OSBPL9: variants seen among roughly 807,000 people sequenced by gnomAD.
The protein encoded by OSBPL9 is oxysterol-binding protein-related protein 9.
OSBPL9 carries 40 observed loss-of-function variants against 106.6 expected under a neutral mutation model. That is an observed-to-expected ratio of 0.38 (90% confidence interval 0.29 to 0.49). The LOEUF (loss-of-function observed/expected upper bound fraction) is 0.49. Among genes scored for constraint, OSBPL9 ranks in the 20% least tolerant of loss-of-function variants. The pLI is 0.97. For synonymous variants in OSBPL9, 269 were observed against 295.4 expected, an observed-to-expected ratio of 0.91 and a Z score of 0.92; for missense variants, 609 against 887.2, an observed-to-expected ratio of 0.69 and a Z score of 3.98.
At chr1:51,708,077 TA>T (rs1475301444) in intron 3 of OSBPL9, 1 of 222,472 alleles carries the variant, frequency 4.5e-6, no homozygotes, top group Non-Finnish European at 9.4e-6. Flanking sequence ...TTGCCAGAGT[TA>T]AAAGAAGCCC....
Position 51,784,017 on chromosome 1 carries a change from T to C in OSBPL9, c.1616T>C (p.Ile539Thr). 1 of 1,607,952 alleles carries C rather than the reference T, an allele frequency of 6.2e-7. No individual in the cohort carries two copies. The highest frequency in any genetic ancestry group is 8.5e-7 in the Non-Finnish European group (1 of 1,174,650). Residue 539 changes from isoleucine to threonine, a missense_variant, in exon 18 of 24, where the codon ATA (isoleucine) becomes ACA (threonine). This residue lies in a region of OSBPL9 where 356 missense variants were observed against 505.8 expected (regional missense o/e 0.70). Coordinates refer to ENST00000428468, the MANE Select transcript of OSBPL9 (RefSeq NM_024586.6). ...GGGATGTCAATTGGGGTGCACAACA[T>C]AGGGCAGGGTAAGTGTGTTGGCATT... ...FLGMSIGVHN[I>T]GQGCVSCLDY...
upstream of OSBPL9, among the ~76,000 whole-genome samples, chr1:51,613,788 C>T (rs1644005821): frequency 6.6e-6 from 1 of 150,832 alleles, no homozygotes; most frequent in South Asian, 2.1e-4. Context: ...CTTGCCTAGG[C>T]TGGAGTGCAG....
chr1:51,678,609 C>T (rs1468561507), intron 3 of OSBPL9, among the ~76,000 whole-genome samples: 2 of 151,596 alleles, frequency 1.3e-5, no homozygotes, highest in East Asian at 1.9e-4. Context: ...TGCAGTGAGC[C>T]GAGATCATGC....
intron 3 of OSBPL9, among the ~76,000 whole-genome samples, chr1:51,693,520 C>T (rs1217017532): frequency 6.6e-6 from 1 of 152,102 alleles, no homozygotes; most frequent in Non-Finnish European, 1.5e-5. Flanking sequence ...GATGCTTTGA[C>T]AGAAGCATAT....
In OSBPL9 at chr1:51,778,344, A is replaced by G. The variant is rs191731953; in HGVS notation, c.1256+1426A>G. Among the ~76,000 whole-genome samples the G allele has an allele frequency of 3.9e-3, 588 of 152,330 alleles. 3 individuals are homozygous for G. Among genetic ancestry groups the G allele is most frequent in the Non-Finnish European group, 5.0e-3 (337 of 68,030 alleles). On this transcript the variant is annotated intron_variant, in intron 15 of 23. Transcript: ENST00000428468. Reference sequence around the variant, plus strand: ...TATATCAACAGTTACCACTCCATTTAATGTCAGACTGGATTAAAAAAGCAG... The same window carrying G: ...TATATCAACAGTTACCACTCCATTTGATGTCAGACTGGATTAAAAAAGCAG...
At chr1:51,630,564 G>A (rs571489631) in intron 1 of OSBPL9, among the ~76,000 whole-genome samples, 1 of 152,332 alleles carries the variant, frequency 6.6e-6, no homozygotes, top group Admixed American at 6.5e-5. Flanking sequence ...CATGAATGAA[G>A]CTTGCAGGAC....
chr1:51,764,115 C>T (rs1672082321), intron 11 of OSBPL9, among the ~76,000 whole-genome samples: 2 of 152,112 alleles, frequency 1.3e-5, no homozygotes, highest in Non-Finnish European at 2.9e-5. Flanking sequence ...ATTTTCTCCA[C>T]TTTTCTTTCC....
At chr1:51,545,410 A>T in the OSBPL9 span, among the ~76,000 whole-genome samples, 2 of 152,170 alleles carry the variant, frequency 1.3e-5, no homozygotes, top group Non-Finnish European at 2.9e-5. Context: ...TACTAAAAAT[A>T]AAAAATAAAA....
intron 2 of OSBPL9, among the ~76,000 whole-genome samples, chr1:51,610,288 G>A (rs2148605974): frequency 6.6e-6 from 1 of 152,008 alleles, no homozygotes; most frequent in Admixed American, 6.5e-5. Flanking sequence ...TTGAGATGGA[G>A]TCTTGCTCTG....
chr1:51,694,364 A>G (rs1326774476), intron 3 of OSBPL9, among the ~76,000 whole-genome samples: 1 of 152,204 alleles, frequency 6.6e-6, no homozygotes, highest in Non-Finnish European at 1.5e-5. Flanking sequence ...CTGCTTATGC[A>G]TTCAATCTAT....
At position 51,746,710 on chromosome 1, in the gene OSBPL9, CT is replaced by C; in HGVS notation, c.420del (p.Phe140LeufsTer28). The C allele has an allele frequency of 6.2e-7, 1 of 1,606,918 alleles. No homozygotes were observed. Among genetic ancestry groups the C allele is most frequent in the Non-Finnish European group, 8.5e-7 (1 of 1,175,856 alleles). On this transcript the variant is annotated frameshift_variant and splice_region_variant, in exon 6 of 24. Transcript: ENST00000428468. LOFTEE classifies it high-confidence loss of function. ...ATAACCATTTTTTAAAATCTTGTAGCTTTTTGATGACAAGCTTCAAAACTGC... is the reference window on the plus strand; with the variant it reads ...ATAACCATTTTTTAAAATCTTGTAGCTTTTGATGACAAGCTTCAAAACTGC... ...YLQILIEQLK[L>X]FDDKLQNCKE...
chr1:51,754,436 A>G (rs1269652689), intron 8 of OSBPL9, among the ~76,000 whole-genome samples: 1 of 152,216 alleles, frequency 6.6e-6, no homozygotes, highest in African/African-American at 2.4e-5. Context: ...CTTACAGGCA[A>G]AGATAGAGAC....
chr1:51,546,468 C>T, the OSBPL9 span, among the ~76,000 whole-genome samples: 24 of 151,984 alleles, frequency 1.6e-4, no homozygotes, highest in Non-Finnish European at 3.1e-4. Flanking sequence ...GATGCCGAGG[C>T]GGGTGGATCA....
rs1382447969 is a variant in OSBPL9 at position 51,626,533 on chromosome 1, A to G, written c.111+9312A>G. Among the ~76,000 whole-genome samples, 3 of 152,048 alleles carry G rather than the reference A, an allele frequency of 2.0e-5. No individual in the cohort carries two copies. In the East Asian group the frequency reaches 5.8e-4, roughly 29 times the overall value. On this transcript the variant is annotated intron_variant, in intron 1 of 23. Transcript: ENST00000428468. ...TTTATTCTTTTTTTTCCCCCTTACA[A>G]CCAGATCTCACTCTGTCACCCAGGC...
intron 4 of OSBPL9, among the ~76,000 whole-genome samples, chr1:51,728,502 T>C (rs1327419320): frequency 4.6e-5 from 7 of 152,092 alleles, no homozygotes; most frequent in African/African-American, 1.7e-4. Context: ...GGTTTATGGT[T>C]TGCGTATTAG....
chr1:51,643,283 T>G (rs1188108175), intron 1 of OSBPL9, among the ~76,000 whole-genome samples: 2 of 152,166 alleles, frequency 1.3e-5, no homozygotes, highest in Non-Finnish European at 2.9e-5. Flanking sequence ...TAGGATTTTA[T>G]TTTCCCACAG....
At chr1:51,739,015 T>A (rs1343483584) in intron 4 of OSBPL9, among the ~76,000 whole-genome samples, 2 of 151,966 alleles carry the variant, frequency 1.3e-5, no homozygotes, top group Non-Finnish European at 2.9e-5. Context: ...AAAATGTAAG[T>A]GAAAAAAGTA....
At chr1:51,728,998 C>T (rs548654321) in intron 4 of OSBPL9, among the ~76,000 whole-genome samples, 26 of 152,280 alleles carry the variant, frequency 1.7e-4, no homozygotes, top group African/African-American at 6.0e-4. Flanking sequence ...GCTAGTCCTC[C>T]AGATCAATAA....
intron 1 of OSBPL9, among the ~76,000 whole-genome samples, chr1:51,644,130 T>C (rs192697139): frequency 6.9e-6 from 1 of 145,030 alleles, no homozygotes; most frequent in Non-Finnish European, 1.5e-5. Context: ...TATTGGGATG[T>C]ATTGTAGAGG....
Sources: gnomAD v4.1 joint callset for allele counts (sites outside exome capture counted in the v4.1 genomes callset) on GRCh38, gnomAD v4.1.1 for gene constraint, gnomAD v4.1.1 regional missense constraint, MANE v1.5 for transcripts, NCBI Gene and HGNC (gene_info 2026-07-23, HGNC 2026-07-21) for gene names.